Variants in IRAK2 observed in about 807,000 individuals in gnomAD.
IRAK2 encodes interleukin-1 receptor-associated kinase-like 2.
IRAK2 carries 57 observed loss-of-function variants against 72.0 expected under a neutral mutation model. That is an observed-to-expected ratio of 0.79 (90% confidence interval 0.64 to 0.99). The LOEUF is 0.99. Among genes scored for constraint, IRAK2 ranks in the 50% least tolerant of loss-of-function variants. The probability of loss-of-function intolerance (pLI) is 0.00; values close to 1 mark genes in which losing one functional copy is unlikely to be tolerated. For missense variants in IRAK2, 790 were observed against 794.4 expected (o/e 0.99, Z 0.07); for synonymous variants, 293 against 312.7 (o/e 0.94, Z 0.67).
chr3:10,241,580 T>TAA (rs1185120497), intron 12 of IRAK2, among the ~76,000 whole-genome samples: 1 of 138,346 alleles, frequency 7.2e-6, no homozygotes, highest in Non-Finnish European at 1.6e-5. Context: ...AATAAATAAA[T>TAA]AAATAAATAA....
chr3:10,177,035 T>C (rs1045503490), intron 1 of IRAK2, among the ~76,000 whole-genome samples: 2 of 151,948 alleles, frequency 1.3e-5, no homozygotes, highest in African/African-American at 4.8e-5. Flanking sequence ...TCTCCTGACC[T>C]TGTGGTCCAC....
At chr3:10,208,443 C>A (rs535357323) in intron 3 of IRAK2, among the ~76,000 whole-genome samples, 1 of 142,442 alleles carries the variant, frequency 7.0e-6, no homozygotes, top group South Asian at 2.2e-4. Context: ...CACAGGTGTA[C>A]ACCACCATAC....
intron 11 of IRAK2, among the ~76,000 whole-genome samples, chr3:10,237,960 TGTGTGTGA>T (rs1697992471): frequency 6.6e-6 from 1 of 151,352 alleles, no homozygotes; most frequent in African/African-American, 2.4e-5. Context: ...TGTGTGTGTG[TGTGTGTGA>T]AGAAGAAACA....
intron 12 of IRAK2, among the ~76,000 whole-genome samples, chr3:10,240,458 GA>G (rs200409471): frequency 0.034 from 3,881 of 114,172 alleles, 196 homozygotes; most frequent in African/African-American, 0.12. Flanking sequence ...CTGTCTCAGG[GA>G]AAAAAAAAAG....
intron 11 of IRAK2, among the ~76,000 whole-genome samples, chr3:10,235,849 G>A (rs1023052938): frequency 2.0e-5 from 3 of 152,134 alleles, no homozygotes; most frequent in Non-Finnish European, 2.9e-5. Context: ...TATGTCCATC[G>A]TCTTGCGCTG....
At chr3:10,198,427 T>C (rs1330879076) in intron 2 of IRAK2, among the ~76,000 whole-genome samples, 2 of 152,190 alleles carry the variant, frequency 1.3e-5, no homozygotes, top group African/African-American at 4.8e-5. Context: ...GAATTGGGGC[T>C]GGTGGTGGCA....
At chr3:10,166,710 T>C (rs1696694839) in intron 1 of IRAK2, among the ~76,000 whole-genome samples, 2 of 152,210 alleles carry the variant, frequency 1.3e-5, no homozygotes, top group African/African-American at 2.4e-5. Flanking sequence ...AGTGGCGAGA[T>C]CTCGGCTCAC....
In IRAK2 at chr3:10,235,625, A is replaced by G. The variant is rs534545176; in HGVS notation, c.1473+966A>G. On this transcript the variant is annotated intron_variant, in intron 11 of 12. Transcript: ENST00000256458. The stretch of plus-strand genomic sequence containing the variant: ...GGGGTTGGGGGAGGTGCAGGCCCCC[A>G]CCTGTGACTCGGACCAGACACCCAC... Among the ~76,000 whole-genome samples the G allele has an allele frequency of 1.1e-3, 167 of 152,166 alleles. 1 individual carries two copies. The highest frequency in any genetic ancestry group is 3.9e-3 in the African/African-American group (163 of 41,528).
chr3:10,196,076 G>A (rs1468976325), intron 2 of IRAK2, among the ~76,000 whole-genome samples: 3 of 152,184 alleles, frequency 2.0e-5, no homozygotes, highest in Admixed American at 6.5e-5. Flanking sequence ...CACTCACCCC[G>A]ACATTGTTCA....
At chr3:10,213,142 C>T (rs1697549224) in intron 4 of IRAK2, 65 bp from the exon 5 acceptor site, 1 of 1,356,692 alleles carries the variant, frequency 7.4e-7, no homozygotes, top group South Asian at 1.2e-5. Context: ...GTTCCAAGGT[C>T]CCTTGAGGTA....
intron 1 of IRAK2, 108 bp downstream of exon 1, chr3:10,165,156 G>A: frequency 4.3e-6 from 4 of 927,144 alleles, no homozygotes; most frequent in Non-Finnish European, 6.6e-6. Flanking sequence ...AGCGGGTCCC[G>A]ATCCGAGGGC....
At chr3:10,167,669 C>T (rs112929632) in intron 1 of IRAK2, among the ~76,000 whole-genome samples, 42,218 of 151,966 alleles carry the variant, frequency 0.28, 6,052 homozygotes, top group South Asian at 0.33. Context: ...CCTACCTCGG[C>T]TTCCCAAAGT....
At chr3:10,212,693 A>G (rs1177780353) in intron 4 of IRAK2, among the ~76,000 whole-genome samples, 1 of 152,008 alleles carries the variant, frequency 6.6e-6, no homozygotes, top group Non-Finnish European at 1.5e-5. Flanking sequence ...AGAGAGGTTA[A>G]GTAACTCACC....
rs1696934115 is a variant in IRAK2, at chr3:10,179,756, G to T, written c.277+1736G>T. Among the ~76,000 whole-genome samples, 3 of 151,924 alleles carry T rather than the reference G, an allele frequency of 2.0e-5. No individual in the cohort carries two copies. In the South Asian group the frequency reaches 6.3e-4, roughly 32 times the overall value. Reference sequence around the variant, plus strand: ...GTCAACTTTTTGTAGTTTTAGTAGAGACAGGGTTTCACTATGTTGACCAGG... The same window carrying T: ...GTCAACTTTTTGTAGTTTTAGTAGATACAGGGTTTCACTATGTTGACCAGG... On this transcript the variant is annotated intron_variant, in intron 2 of 12. Coordinates refer to ENST00000256458, the MANE Select transcript of IRAK2 (RefSeq NM_001570.4).
At chr3:10,195,471 G>C (rs1245166899) in intron 2 of IRAK2, among the ~76,000 whole-genome samples, 1 of 151,948 alleles carries the variant, frequency 6.6e-6, no homozygotes, top group Non-Finnish European at 1.5e-5. Context: ...AGGATAGCTT[G>C]AGCTCAGGAG....
intron 9 of IRAK2, among the ~76,000 whole-genome samples, chr3:10,224,371 G>C (rs1371668782): frequency 2.0e-5 from 3 of 151,610 alleles, no homozygotes; most frequent in Admixed American, 2.0e-4. Context: ...GAACCAGGGG[G>C]ATAGAACCCC....
At chr3:10,166,801 C>T (rs1246220066) in intron 1 of IRAK2, among the ~76,000 whole-genome samples, 3 of 152,164 alleles carry the variant, frequency 2.0e-5, no homozygotes, top group Non-Finnish European at 4.4e-5. Flanking sequence ...TGTGCCACCA[C>T]GCCCACTAAT....
chr3:10,200,041 C>T (rs1184438797), intron 2 of IRAK2, among the ~76,000 whole-genome samples: 5 of 152,042 alleles, frequency 3.3e-5, no homozygotes, highest in Admixed American at 6.6e-5. Context: ...CCGTGTGCCA[C>T]CATGCCCAAC....
chr3:10,212,609 A>G (rs1253946702), intron 4 of IRAK2, among the ~76,000 whole-genome samples: 1 of 152,156 alleles, frequency 6.6e-6, no homozygotes, highest in African/African-American at 2.4e-5. Flanking sequence ...GAATACTCAC[A>G]TCTTAGTCTT....
Sources: allele counts gnomAD v4.1 joint callset (sites outside exome capture counted in the v4.1 genomes callset), GRCh38; gene constraint gnomAD v4.1.1; transcripts MANE v1.5; gene names NCBI Gene and HGNC (gene_info 2026-07-23, HGNC 2026-07-21).